Variants in INTS4 observed in about 807,000 individuals in gnomAD.
INTS4 encodes MSTP093.
A neutral mutation model predicts 119.5 loss-of-function variants in INTS4; 70 were observed. That is an observed-to-expected ratio of 0.59 (90% CI 0.48 to 0.71). INTS4 has a LOEUF of 0.71. INTS4 is among the 30% of genes least tolerant of loss of function. The pLI is 0.00. For missense variants in INTS4, 867 were observed against 1,173.2 expected, an observed-to-expected ratio of 0.74 and a Z score of 3.81; for synonymous variants, 316 against 419.6, an observed-to-expected ratio of 0.75 and a Z score of 3.02.
chr11:77,918,649 A>G (rs1389803996), intron 15 of INTS4, among the ~76,000 whole-genome samples, 172 bp downstream of exon 15: 1 of 152,192 alleles, frequency 6.6e-6, no homozygotes, highest in Non-Finnish European at 1.5e-5. Flanking sequence ...GCTCTTTTAA[A>G]AAATATGTTC....
chr11:77,931,047 A>G (rs775686653), intron 10 of INTS4, among the ~76,000 whole-genome samples: 1 of 152,230 alleles, frequency 6.6e-6, no homozygotes, highest in Non-Finnish European at 1.5e-5. Flanking sequence ...AGAACAGTTA[A>G]TTGCATTACA....
chr11:77,882,587 G>A (rs1022604470), intron 22 of INTS4, among the ~76,000 whole-genome samples: 3 of 152,136 alleles, frequency 2.0e-5, no homozygotes, highest in Non-Finnish European at 4.4e-5. Context: ...GGCAAATAGT[G>A]CAAAAACATT....
chr11:77,953,312 T>C (rs1335919401), intron 8 of INTS4, among the ~76,000 whole-genome samples: 3 of 152,332 alleles, frequency 2.0e-5, no homozygotes, highest in African/African-American at 4.8e-5. Context: ...CAAATTTTTA[T>C]AGATACTTAC....
At chr11:77,878,403 T>C (rs1951666973), downstream of INTS4, among the ~76,000 whole-genome samples, 1 of 151,962 alleles carries the variant, frequency 6.6e-6, no homozygotes, top group African/African-American at 2.4e-5. Context: ...AAATGATTCA[T>C]TCTCCAGCTA....
intron 2 of INTS4, among the ~76,000 whole-genome samples, chr11:77,984,934 TAA>T (rs1856397823): frequency 7.0e-6 from 1 of 142,984 alleles, no homozygotes; most frequent in African/African-American, 2.6e-5. Context: ...AAAAAGCAGA[TAA>T]GAGAGCATCT....
chr11:77,901,125 G>A (rs1291647696), intron 18 of INTS4, among the ~76,000 whole-genome samples: 1 of 152,216 alleles, frequency 6.6e-6, no homozygotes. Context: ...AATCTATCAA[G>A]TAGGAGGATA....
intron 8 of INTS4, among the ~76,000 whole-genome samples, chr11:77,946,601 A>G (rs540080505): frequency 6.6e-6 from 1 of 152,158 alleles, no homozygotes; most frequent in African/African-American, 2.4e-5. Flanking sequence ...TCTCTACAAA[A>G]TATAAAAAAA....
intron 18 of INTS4, among the ~76,000 whole-genome samples, chr11:77,900,392 C>A (rs975125949): frequency 6.4e-4 from 98 of 152,176 alleles, no homozygotes; most frequent in Non-Finnish European, 1.2e-3. Flanking sequence ...AGCCACCACA[C>A]CCGGCCACAT....
intron 2 of INTS4, among the ~76,000 whole-genome samples, chr11:77,984,398 G>A (rs552996048): frequency 6.6e-6 from 1 of 152,196 alleles, no homozygotes; most frequent in Non-Finnish European, 1.5e-5. Flanking sequence ...GGAGGCCGAG[G>A]CAGGAGAATC....
chr11:77,938,574 T>C (rs1308227173), intron 10 of INTS4, 77 bp downstream of exon 10: 12 of 1,529,972 alleles, frequency 7.8e-6, no homozygotes, highest in Non-Finnish European at 1.1e-5. Context: ...AAACGATACA[T>C]GTGTATCACC....
At chr11:77,960,302 TACCTCCA>T in intron 6 of INTS4, 32 bp downstream of exon 6, 2 of 1,477,144 alleles carry the variant, frequency 1.4e-6, no homozygotes, top group African/African-American at 2.8e-5. Flanking sequence ...AGCTTCATGA[TACCTCCA>T]ACCCCTTCCA....
intron 8 of INTS4, among the ~76,000 whole-genome samples, chr11:77,948,584 T>C (rs1433996450): frequency 6.7e-6 from 1 of 148,584 alleles, no homozygotes; most frequent in Non-Finnish European, 1.5e-5. Flanking sequence ...GAGGTGAAGG[T>C]TGCAGTGAGT....
chr11:77,994,251 G>A lies in INTS4; in HGVS notation c.54+339C>T, dbSNP rs561323322. 6.6e-5 allele frequency among the ~76,000 whole-genome samples: 10 copies of A among 152,216 alleles called. No individual in the cohort carries two copies. The South Asian group carries it at 1.9e-3, about 28-fold the overall frequency. On this transcript the variant is annotated intron_variant, in intron 1 of 22. Coordinates refer to ENST00000534064, the MANE Select transcript of INTS4 (RefSeq NM_033547.4). Reference sequence around the variant, plus strand: ...CTGGCTGTATCCTCGTACCCCTCCGGAAGGCTCAATGTCCACATCTGGAAA... The same window carrying A: ...CTGGCTGTATCCTCGTACCCCTCCGAAAGGCTCAATGTCCACATCTGGAAA...
rs1415508167 is a variant in INTS4 at position 77,945,453 on chromosome 11, C to G, written c.919-4202G>C. Among the ~76,000 whole-genome samples, 3 of 152,274 alleles carry G rather than the reference C, an allele frequency of 2.0e-5. No homozygotes were observed. In the East Asian group the frequency reaches 5.8e-4, roughly 29 times the overall value. ...AACTGACTCTCTTCATCCTTGAGAA[C>G]CCGCCATCATTCTACCATGATCACA... On this transcript the variant is annotated intron_variant, in intron 8 of 22. Transcript: ENST00000534064.
At chr11:77,942,821 T>A (rs1953960978) in intron 8 of INTS4, among the ~76,000 whole-genome samples, 1 of 152,230 alleles carries the variant, frequency 6.6e-6, no homozygotes, top group African/African-American at 2.4e-5. Flanking sequence ...CAGGCTCAGA[T>A]CTTTTCTCTA....
intron 1 of INTS4, among the ~76,000 whole-genome samples, chr11:77,994,124 T>C (rs1324908238): frequency 1.3e-5 from 2 of 152,102 alleles, no homozygotes; most frequent in Non-Finnish European, 2.9e-5. Flanking sequence ...CTATAGACCC[T>C]TCTTTCAGCC....
chr11:77,922,611 A>T, intron 12 of INTS4, 140 bp from the exon 13 acceptor site: 18 of 857,804 alleles, frequency 2.1e-5, no homozygotes, highest in Non-Finnish European at 3.2e-5. Flanking sequence ...ATGACTTCAG[A>T]TAAGTCACCC....
intron 21 of INTS4, 146 bp from the exon 22 acceptor site, chr11:77,884,098 T>C (rs1156775979): frequency 5.8e-6 from 4 of 692,702 alleles, no homozygotes; most frequent in Non-Finnish European, 9.5e-6. Flanking sequence ...AGGTCAACAC[T>C]GTAGACATCT....
intron 4 of INTS4, among the ~76,000 whole-genome samples, chr11:77,974,393 C>A (rs1591131136): frequency 6.6e-6 from 1 of 151,606 alleles, no homozygotes; most frequent in East Asian, 1.9e-4. Flanking sequence ...CAGGCACGCA[C>A]CACCATACCC....
Sources: allele counts gnomAD v4.1 joint callset (sites outside exome capture counted in the v4.1 genomes callset), GRCh38; gene constraint gnomAD v4.1.1; transcripts MANE v1.5; gene names NCBI Gene and HGNC (gene_info 2026-07-23, HGNC 2026-07-21).